CNOT2: variants seen among roughly 807,000 people sequenced by gnomAD.
CNOT2 encodes the protein CC chemokine receptor 4-negative regulator of transcription 2.
In CNOT2, 7 loss-of-function variants were observed where a neutral mutation model predicts 72.1. The observed-to-expected ratio is 0.10, with a 90% CI of 0.06 to 0.18. The LOEUF (loss-of-function observed/expected upper bound fraction) is 0.18. CNOT2 is among the 10% of genes least tolerant of loss of function. The probability of loss-of-function intolerance (pLI) is 1.00; values close to 1 mark genes in which losing one functional copy is unlikely to be tolerated. For missense variants in CNOT2, 345 were observed against 660.3 expected (o/e 0.52, Z 5.23); for synonymous variants, 196 against 225.6 (o/e 0.87, Z 1.17).
At chr12:70,264,341 C>T (rs1193660016) in intron 1 of CNOT2, among the ~76,000 whole-genome samples, 3 of 152,128 alleles carry the variant, frequency 2.0e-5, no homozygotes, top group Non-Finnish European at 4.4e-5. Flanking sequence ...TGAGGGTACC[C>T]TTAGGCTTGA....
At chr12:70,314,377 C>G (rs2135966837) in intron 3 of CNOT2, among the ~76,000 whole-genome samples, 1 of 151,962 alleles carries the variant, frequency 6.6e-6, no homozygotes, top group South Asian at 2.1e-4. Flanking sequence ...ACAATAGTAC[C>G]TAGCTCATGA....
chr12:70,315,986 A>G (rs75637384), intron 3 of CNOT2, among the ~76,000 whole-genome samples: 9,334 of 152,146 alleles, frequency 0.061, 437 homozygotes, highest in East Asian at 0.16. Flanking sequence ...AACTGAGGGG[A>G]AGATTAGATT....
chr12:70,311,103 CT>C (rs1343503283), intron 3 of CNOT2, 86 bp downstream of exon 3: 5 of 911,838 alleles, frequency 5.5e-6, no homozygotes, highest in Non-Finnish European at 8.7e-6. Flanking sequence ...GTGCAGAATA[CT>C]GTCTGTGGTT....
At chr12:70,248,669 ACT>A (rs1193570561) in intron 1 of CNOT2, among the ~76,000 whole-genome samples, 1 of 152,038 alleles carries the variant, frequency 6.6e-6, no homozygotes, top group African/African-American at 2.4e-5. Flanking sequence ...AGGATAGATG[ACT>A]CTCAGAATTG....
In CNOT2 at chr12:70,287,263, C is replaced by T. The variant is rs1313146230; in HGVS notation, c.48+8989C>T. Among the ~76,000 whole-genome samples the T allele has an allele frequency of 2.1e-5, 3 of 145,888 alleles. 1 individual carries two copies. The highest frequency in any genetic ancestry group is 3.0e-5 in the Non-Finnish European group (2 of 66,102). On this transcript the variant is annotated intron_variant, in intron 2 of 15. Transcript: ENST00000229195. ...TCTTCTTAAGGTTGTTTACTATGTG[C>T]GTTTTCCCCTTATTTGGTCAGACTT...
chr12:70,325,430 C>G (rs2136006186), intron 4 of CNOT2, among the ~76,000 whole-genome samples: 1 of 151,800 alleles, frequency 6.6e-6, no homozygotes, highest in Non-Finnish European at 1.5e-5. Context: ...TTATTAACTA[C>G]CATTAAAAAA....
chr12:70,290,220 GGTGGCCTTTTTTTTTT>G (rs1871645679), intron 2 of CNOT2, among the ~76,000 whole-genome samples: 1 of 151,350 alleles, frequency 6.6e-6, no homozygotes, highest in African/African-American at 2.4e-5. Flanking sequence ...GTTTCTTTCA[GGTGGCCTTTTTTTTTT>G]GTTTTTTTTA....
intron 2 of CNOT2, among the ~76,000 whole-genome samples, chr12:70,296,728 G>A (rs1317727313): frequency 2.7e-5 from 4 of 149,468 alleles, no homozygotes; most frequent in African/African-American, 9.8e-5. Context: ...TTTTTGTGCA[G>A]TGTAGGTGCC....
At chr12:70,322,120 C>T (rs1878392907) in intron 4 of CNOT2, 1 of 151,768 alleles carries the variant, frequency 6.6e-6, no homozygotes, top group African/African-American at 2.4e-5. Context: ...CCTCACTTAA[C>T]ATAAGTTTTT....
At chr12:70,348,877 T>G (rs1353595149) in intron 15 of CNOT2, among the ~76,000 whole-genome samples, 1 of 151,816 alleles carries the variant, frequency 6.6e-6, no homozygotes, top group African/African-American at 2.4e-5. Context: ...AAAACATAAT[T>G]TAGCTCAGTT....
At chr12:70,318,161 C>T (rs1218874889) in intron 3 of CNOT2, among the ~76,000 whole-genome samples, 1 of 151,942 alleles carries the variant, frequency 6.6e-6, no homozygotes. Flanking sequence ...GAGGTATCTT[C>T]CCAAAACCCA....
chr12:70,262,788 CT>C, intron 1 of CNOT2, among the ~76,000 whole-genome samples: 1 of 152,222 alleles, frequency 6.6e-6, no homozygotes, highest in Admixed American at 6.5e-5. Flanking sequence ...CTTCCCCTGC[CT>C]CAGCCTCCAG....
chr12:70,304,240 G>T (rs1417282112), intron 2 of CNOT2, among the ~76,000 whole-genome samples: 4 of 152,074 alleles, frequency 2.6e-5, no homozygotes, highest in East Asian at 3.9e-4. Flanking sequence ...TTCCGTTGCT[G>T]GTGAGGAGCT....
At position 70,335,421 on chromosome 12, in the gene CNOT2, CCTTT is replaced by C. The variant is rs758131724; in HGVS notation, c.650-13_650-10del. 6 of 1,564,066 alleles carry C rather than the reference CCTTT, an allele frequency of 3.8e-6. No individual in the cohort carries two copies. The highest frequency in any genetic ancestry group is 1.4e-5 in the African/African-American group (1 of 73,784). On this transcript the variant is annotated splice_polypyrimidine_tract_variant and intron_variant, in intron 7 of 15. Transcript: ENST00000229195. ...TATTTGTAGAATCAATAACCAGTGTCCTTTCTTATTATTTAGACGGAAGTGAAAA... is the reference window on the plus strand; with the variant it reads ...TATTTGTAGAATCAATAACCAGTGTCCTTATTATTTAGACGGAAGTGAAAA...
chr12:70,333,176 CACTGTGAGA>C (rs1196408344), intron 7 of CNOT2, among the ~76,000 whole-genome samples: 3 of 151,904 alleles, frequency 2.0e-5, no homozygotes, highest in Non-Finnish European at 4.4e-5. Context: ...TCAGCCCTGT[CACTGTGAGA>C]ACTATAGCTT....
At chr12:70,270,137 A>T (rs1959186568) in intron 1 of CNOT2, among the ~76,000 whole-genome samples, 1 of 152,114 alleles carries the variant, frequency 6.6e-6, no homozygotes, top group South Asian at 2.1e-4. Context: ...AGTATCAATG[A>T]TTTTTGACCA....
chr12:70,244,081 C>T (rs546069821), intron 1 of CNOT2: 1 of 152,550 alleles, frequency 6.6e-6, no homozygotes, highest in South Asian at 2.1e-4. Flanking sequence ...AGACACTGGA[C>T]TGGCTAACGG....
At chr12:70,249,471 A>T (rs999905884) in intron 1 of CNOT2, among the ~76,000 whole-genome samples, 7 of 152,036 alleles carry the variant, frequency 4.6e-5, no homozygotes, top group African/African-American at 1.4e-4. Context: ...GAAGTTGGGA[A>T]TTATGAAGGC....
rs569186770 is a variant in CNOT2, at chr12:70,302,232, T to C, written c.49-8663T>C. Among the ~76,000 whole-genome samples, 259 of 152,130 alleles carry C rather than the reference T, an allele frequency of 1.7e-3. 1 individual carries two copies. Among genetic ancestry groups the C allele is most frequent in the African/African-American group, 6.2e-3 (256 of 41,508 alleles). ...CTATTTCCTTCAGTTCTGCTCTGAT[T>C]TTAGTTATTTCTTGCCTTCTGCTAG... is the stretch of plus-strand genomic sequence containing the variant. On this transcript the variant is annotated intron_variant, in intron 2 of 15. Transcript: ENST00000229195.
Sources: allele counts gnomAD v4.1 joint callset (sites outside exome capture counted in the v4.1 genomes callset), GRCh38; gene constraint gnomAD v4.1.1; transcripts MANE v1.5; gene names NCBI Gene and HGNC (gene_info 2026-07-23, HGNC 2026-07-21).